Variants in RIC8B observed in about 807,000 individuals in gnomAD.
RIC8B encodes chaperone Ric-8B.
Under a neutral mutation model 57.5 loss-of-function variants are expected in RIC8B, and 16 were observed. The ratio of observed to expected loss-of-function variants is 0.28; its 90% CI spans 0.19 to 0.42. The LOEUF is 0.42. Ranked by LOEUF, RIC8B falls within the 10% of genes least tolerant of loss-of-function variation. RIC8B has a pLI of 1.00. For synonymous variants in RIC8B, 216 were observed against 250.8 expected, an observed-to-expected ratio of 0.86 and a Z score of 1.31; for missense variants, 481 against 677.0, an observed-to-expected ratio of 0.71 and a Z score of 3.21.
At chr12:106,856,826 C>A (rs1210040606) in intron 7 of RIC8B, among the ~76,000 whole-genome samples, 5 of 152,084 alleles carry the variant, frequency 3.3e-5, no homozygotes, top group Non-Finnish European at 5.9e-5. Context: ...TAAATTCAGG[C>A]TGGTGAATAC....
chr12:106,885,634 G>C (rs960432440), intron 9 of RIC8B, among the ~76,000 whole-genome samples: 4 of 151,030 alleles, frequency 2.6e-5, no homozygotes, highest in Admixed American at 2.6e-4. Flanking sequence ...CTTGTCCTGA[G>C]CCCATTTAGA....
At chr12:106,827,399 C>T (rs1484603969) in intron 4 of RIC8B, among the ~76,000 whole-genome samples, 1 of 152,118 alleles carries the variant, frequency 6.6e-6, no homozygotes, top group Non-Finnish European at 1.5e-5. Flanking sequence ...CCTTTTTGAA[C>T]ACTTAAAATA....
At chr12:106,845,553 T>C (rs890841107) in intron 6 of RIC8B, among the ~76,000 whole-genome samples, 1 of 152,210 alleles carries the variant, frequency 6.6e-6, no homozygotes, top group African/African-American at 2.4e-5. Flanking sequence ...TCTCTCTCAT[T>C]AACTTTGCAC....
intron 9 of RIC8B, among the ~76,000 whole-genome samples, chr12:106,875,560 AGTTTT>A (rs1422590999): frequency 6.6e-6 from 1 of 152,126 alleles, no homozygotes; most frequent in Admixed American, 6.6e-5. Flanking sequence ...TTCAAGTTAC[AGTTTT>A]GTTTTGACTT....
intron 1 of RIC8B, among the ~76,000 whole-genome samples, chr12:106,781,325 A>G (rs1242385005): frequency 6.6e-6 from 1 of 152,166 alleles, no homozygotes; most frequent in Non-Finnish European, 1.5e-5. Context: ...GAGATGGCTG[A>G]CTGTTGGCTA....
In RIC8B at chr12:106,879,119, C is replaced by T. The variant is rs976059830; in HGVS notation, c.1572-6785C>T. 8 of 985,586 alleles carry T rather than the reference C, an allele frequency of 8.1e-6. No homozygotes were observed. In the African/African-American group the frequency reaches 1.0e-4, roughly 13 times the overall value. 61.1% of individuals were successfully genotyped at this position (985,586 alleles called of 1,614,324 possible). On this transcript the variant is annotated intron_variant, in intron 9 of 9. Coordinates refer to ENST00000392837, the MANE Select transcript of RIC8B (RefSeq NM_001330145.2). The surrounding 1 kb of genome is among the most constrained non-coding windows in gnomAD (Gnocchi z 4.9). ...AAGTGGCAAGCGGGAAGCTGAAACT[C>T]GTATAGGTAAATTCGAAGGGACTCT...
At chr12:106,786,213 C>T (rs1011017218) in intron 2 of RIC8B, among the ~76,000 whole-genome samples, 6 of 147,854 alleles carry the variant, frequency 4.1e-5, no homozygotes, top group South Asian at 4.3e-4. Context: ...GCAGTGGCGC[C>T]ATCTCAGCTC....
At chr12:106,846,601 C>T (rs1223070569) in intron 6 of RIC8B, among the ~76,000 whole-genome samples, 3 of 151,864 alleles carry the variant, frequency 2.0e-5, no homozygotes, top group African/African-American at 7.3e-5. Flanking sequence ...TCTCCCTTGA[C>T]TAGGAGGAGT....
rs190452927 is a variant in RIC8B at position 106,796,373 on chromosome 12, C to G, written c.132+12329C>G. 1.8e-3 allele frequency among the ~76,000 whole-genome samples: 279 copies of G among 152,080 alleles called. 1 individual carries two copies. The Middle Eastern group carries it at 0.021, about 11-fold the overall frequency. ...GGCAATATAGTGAGACCCCCACCCC[C>G]CTCCATCTCTAAAAAGAAAAAAGAA... On this transcript the variant is annotated intron_variant, in intron 2 of 9. Transcript: ENST00000392837.
At chr12:106,834,537 C>A (rs1210929195) in intron 4 of RIC8B, among the ~76,000 whole-genome samples, 1 of 152,112 alleles carries the variant, frequency 6.6e-6, no homozygotes, top group Non-Finnish European at 1.5e-5. Flanking sequence ...AATTTTAATA[C>A]TTCTTTCAAA....
chr12:106,845,956 C>G (rs566637541), intron 6 of RIC8B, among the ~76,000 whole-genome samples: 42 of 152,278 alleles, frequency 2.8e-4, no homozygotes, highest in African/African-American at 9.6e-4. Flanking sequence ...CACTTGGTTT[C>G]TAGGACACAA....
intron 7 of RIC8B, among the ~76,000 whole-genome samples, chr12:106,854,428 A>G (rs1341826872): frequency 6.6e-6 from 1 of 152,220 alleles, no homozygotes; most frequent in Non-Finnish European, 1.5e-5. Flanking sequence ...ATCAAGGCTC[A>G]AAGGTCAGAC....
rs191729035 is a variant in RIC8B, at chr12:106,774,931, A to T, written c.84+102A>T. 3,123 of 865,506 alleles carry T rather than the reference A, an allele frequency of 3.6e-3. 16 individuals are homozygous for T. Among genetic ancestry groups the T allele is most frequent in the South Asian group, 0.01 (599 of 58,630 alleles). 53.6% of individuals were successfully genotyped at this position (865,506 alleles called of 1,614,324 possible). A position where few individuals can be genotyped will look rare whatever the true frequency, so the allele number is the denominator to read the frequency against. On this transcript the variant is annotated intron_variant, in intron 1 of 9. Transcript: ENST00000392837. Reference sequence around the variant, plus strand: ...CACCCCCCTCATTCCGGGGATGCGCATTGCTCTCCCCCGAAAACGTTTCCG... The same window carrying T: ...CACCCCCCTCATTCCGGGGATGCGCTTTGCTCTCCCCCGAAAACGTTTCCG...
chr12:106,796,324 G>A (rs2044481351), intron 2 of RIC8B, among the ~76,000 whole-genome samples: 1 of 152,124 alleles, frequency 6.6e-6, no homozygotes. Context: ...GGTCTGTTGA[G>A]CTCAGGAGTT....
Position 106,879,445 on chromosome 12 carries a change from G to T in RIC8B, c.1572-6459G>T. The stretch of plus-strand genomic sequence containing the variant: ...CCTAAAAAGCAGAACCTTCTCTAAG[G>T]TGCTGAGAAGTCATATAAGCCCAGG... On this transcript the variant is annotated intron_variant, in intron 9 of 9. Transcript: ENST00000392837. The surrounding 1 kb of genome is among the most constrained non-coding windows in gnomAD (Gnocchi z 4.9). 1 of 985,146 alleles carries T rather than the reference G, an allele frequency of 1.0e-6. No homozygotes were observed. Among genetic ancestry groups the T allele is most frequent in the Non-Finnish European group, 1.2e-6 (1 of 829,900 alleles). The allele number at this position is 985,146 out of a possible 1,614,324, so 61.0% of individuals were successfully genotyped here.
At position 106,837,843 on chromosome 12, in the gene RIC8B, C is replaced by T. The variant is rs138968212; in HGVS notation, c.837-4746C>T. 4.6e-3 allele frequency among the ~76,000 whole-genome samples: 701 copies of T among 151,954 alleles called. 6 individuals are homozygous for T. The highest frequency in any genetic ancestry group is 0.016 in the African/African-American group (650 of 41,466). On this transcript the variant is annotated intron_variant, in intron 4 of 9. Coordinates refer to ENST00000392837, the MANE Select transcript of RIC8B (RefSeq NM_001330145.2). The stretch of plus-strand genomic sequence containing the variant: ...TTTTAGTGGAGATGGGGTTTTAGCA[C>T]GTTGGCCAGGCTGATCTCGAACTCC...
At chr12:106,803,582 CCT>C (rs1483897853) in intron 2 of RIC8B, among the ~76,000 whole-genome samples, 6 of 152,076 alleles carry the variant, frequency 3.9e-5, no homozygotes, top group African/African-American at 1.4e-4. Flanking sequence ...AACATTACTC[CCT>C]GTCTTTTGCA....
At chr12:106,864,117 C>T (rs1207930498) in intron 8 of RIC8B, among the ~76,000 whole-genome samples, 2 of 152,040 alleles carry the variant, frequency 1.3e-5, no homozygotes, top group African/African-American at 4.8e-5. Flanking sequence ...TCATAATTTA[C>T]CCTATTTCTT....
At chr12:106,785,887 C>T (rs780492111) in intron 2 of RIC8B, among the ~76,000 whole-genome samples, 13 of 149,250 alleles carry the variant, frequency 8.7e-5, no homozygotes, top group East Asian at 2.0e-4. Context: ...AATCTTGTTT[C>T]GTTGCCCATG....
Sources: gnomAD v4.1 joint callset for allele counts (sites outside exome capture counted in the v4.1 genomes callset) on GRCh38, gnomAD v4.1.1 for gene constraint, Gnocchi (gnomAD v3.1) non-coding constraint, MANE v1.5 for transcripts, NCBI Gene and HGNC (gene_info 2026-07-23, HGNC 2026-07-21) for gene names.